The following CCDC73 variants were observed in gnomAD, a reference collection of about 807,000 sequenced individuals.
CCDC73 encodes the protein coiled-coil domain-containing protein 73.
A neutral mutation model predicts 116.5 loss-of-function variants in CCDC73; 95 were observed. The ratio of observed to expected loss-of-function variants is 0.82; its 90% CI spans 0.69 to 0.97. The LOEUF is 0.97. Ranked by LOEUF, CCDC73 falls within the 50% of genes least tolerant of loss-of-function variation. The probability of loss-of-function intolerance (pLI) is 0.00; values close to 1 mark genes in which losing one functional copy is unlikely to be tolerated. For missense variants in CCDC73, 1,066 were observed against 1,206.8 expected, an observed-to-expected ratio of 0.88 and a Z score of 1.73; for synonymous variants, 398 against 401.3, an observed-to-expected ratio of 0.99 and a Z score of 0.10.
intron 1 of CCDC73, among the ~76,000 whole-genome samples, chr11:32,769,613 T>C (rs1850474173): frequency 6.6e-6 from 1 of 152,154 alleles, no homozygotes; most frequent in African/African-American, 2.4e-5. Flanking sequence ...TCTTTTGATG[T>C]AGGAAGACAC....
At chr11:32,734,894 T>C (rs543130820) in intron 2 of CCDC73, among the ~76,000 whole-genome samples, 4 of 152,176 alleles carry the variant, frequency 2.6e-5, no homozygotes, top group Admixed American at 2.0e-4. Context: ...TAATCCAAGA[T>C]ATAAACAGAA....
At position 32,614,109 on chromosome 11, in the gene CCDC73, C is replaced by A. The variant is rs763666079; in HGVS notation, c.2209G>T (p.Val737Leu). The A allele has an allele frequency of 1.6e-5, 26 of 1,613,572 alleles. No individual in the cohort carries two copies. Among genetic ancestry groups the A allele is most frequent in the Non-Finnish European group, 2.2e-5 (26 of 1,179,866 alleles). The part of the protein sequence containing the change: ...DKNVHSMSML[V>L]KPNSSPGGKT... The stretch of plus-strand genomic sequence containing the variant: ...CCCCCAGGGCTTGAGTTAGGTTTCA[C>A]CAACATAGACATACTATGGACATTT... The change falls in exon 16 of 18, where the codon GTG becomes TTG. Residue 737 changes from valine (V) to leucine (L), a missense_variant. Val to Leu is a conservative substitution (Grantham distance 32, BLOSUM62 1). Transcript: ENST00000335185.
At chr11:32,772,122 T>C (rs1243569262) in intron 1 of CCDC73, among the ~76,000 whole-genome samples, 2 of 152,196 alleles carry the variant, frequency 1.3e-5, no homozygotes, top group African/African-American at 2.4e-5. Flanking sequence ...AAATAATAAA[T>C]CACTGTTATT....
chr11:32,796,827 T>C (rs1417180046), upstream of CCDC73, among the ~76,000 whole-genome samples: 2 of 151,868 alleles, frequency 1.3e-5, no homozygotes, highest in East Asian at 1.9e-4. Context: ...CTGGCCAACA[T>C]AGAGAAACCC....
the CCDC73 span, among the ~76,000 whole-genome samples, chr11:32,823,962 T>G: frequency 6.6e-6 from 1 of 152,194 alleles, no homozygotes; most frequent in Non-Finnish European, 1.5e-5. Context: ...TGGCGCAATC[T>G]TGGCTCATTG....
intron 6 of CCDC73, 98 bp downstream of exon 6, chr11:32,699,153 T>A: frequency 7.8e-7 from 1 of 1,281,894 alleles, no homozygotes; most frequent in Non-Finnish European, 1.0e-6. Context: ...TATAAACTTT[T>A]GTCAGCTTTG....
chr11:32,810,585 C>G, the CCDC73 span, among the ~76,000 whole-genome samples: 1 of 151,668 alleles, frequency 6.6e-6, no homozygotes. Context: ...AGTTTTCACC[C>G]TTTTAGTTTC....
chr11:32,670,318 C>T (rs1293029348), intron 9 of CCDC73, among the ~76,000 whole-genome samples: 1 of 152,028 alleles, frequency 6.6e-6, no homozygotes, highest in African/African-American at 2.4e-5. Context: ...GTCAGGAGAT[C>T]GAGACCATCC....
At chr11:32,632,518 GCC>G (rs942133744) in intron 14 of CCDC73, among the ~76,000 whole-genome samples, 54 of 152,110 alleles carry the variant, frequency 3.6e-4, no homozygotes, top group African/African-American at 1.1e-3. Flanking sequence ...GAGCCACCGT[GCC>G]CGGCCGGTTG....
At chr11:32,691,158 C>T (rs899125535) in intron 6 of CCDC73, among the ~76,000 whole-genome samples, 6 of 151,924 alleles carry the variant, frequency 3.9e-5, no homozygotes, top group Non-Finnish European at 8.8e-5. Context: ...GATTCTCCTG[C>T]CTCAGCCTCC....
Position 32,698,149 on chromosome 11 carries a change from C to T in CCDC73, c.390+1102G>A, listed in dbSNP as rs370567692. Among the ~76,000 whole-genome samples, 470 of 151,492 alleles carry T rather than the reference C, an allele frequency of 3.1e-3. 4 individuals carry two copies. Among genetic ancestry groups the T allele is most frequent in the African/African-American group, 0.011 (444 of 41,286 alleles). ...ACGCCATTCTCCTGCCTCAGCCTCC[C>T]GAGTAGCTGGGACTACAGGCGCCCG... On this transcript the variant is annotated intron_variant, in intron 6 of 17. Transcript: ENST00000335185.
chr11:32,746,267 G>T (rs965446356), intron 2 of CCDC73, among the ~76,000 whole-genome samples: 7 of 152,172 alleles, frequency 4.6e-5, no homozygotes, highest in African/African-American at 9.7e-5. Context: ...ACTCTCTTCT[G>T]GCTTGTAGAG....
rs183128573 is a variant in CCDC73, at chr11:32,748,024, G to C, written c.135+12085C>G. Among the ~76,000 whole-genome samples, 4 of 152,348 alleles carry C rather than the reference G, an allele frequency of 2.6e-5. No homozygotes were observed. In the East Asian group the frequency reaches 7.7e-4, roughly 29 times the overall value. On this transcript the variant is annotated intron_variant, in intron 2 of 17. Coordinates refer to ENST00000335185, the MANE Select transcript of CCDC73 (RefSeq NM_001008391.4). ...GAAATGCAGAAATCACCCATCTTCT[G>C]CATCAGTCTCCCTGGGAGCTGTAGA...
At chr11:32,607,625 C>T (rs1002839887) in intron 17 of CCDC73, among the ~76,000 whole-genome samples, 2 of 147,648 alleles carry the variant, frequency 1.4e-5, no homozygotes, top group Non-Finnish European at 3.0e-5. Context: ...CTATGACTTA[C>T]CCAATTGGGC....
the CCDC73 span, among the ~76,000 whole-genome samples, chr11:32,808,586 C>T: frequency 6.6e-6 from 1 of 151,578 alleles, no homozygotes; most frequent in Admixed American, 6.6e-5. Context: ...TTGCAGTGAG[C>T]TGAGATTGTG....
rs570951363 is a variant in CCDC73, at chr11:32,616,147, A to C, written c.1186-18T>G. On this transcript the variant is annotated intron_variant, in intron 14 of 17. Coordinates refer to ENST00000335185, the MANE Select transcript of CCDC73 (RefSeq NM_001008391.4). ...GGAACATTCTAGTGTAAAATGGAAG[A>C]GATTCTTTTAAAAACATTGCCTACA... 4 of 1,548,656 alleles carry C rather than the reference A, an allele frequency of 2.6e-6. No individual in the cohort carries two copies. The highest frequency in any genetic ancestry group is 4.6e-5 in the East Asian group (2 of 43,090).
At chr11:32,785,372 G>T (rs1379975573) in intron 1 of CCDC73, among the ~76,000 whole-genome samples, 1 of 152,066 alleles carries the variant, frequency 6.6e-6, no homozygotes, top group African/African-American at 2.4e-5. Flanking sequence ...AGCTTGACAA[G>T]GTGAGAAATG....
intron 2 of CCDC73, among the ~76,000 whole-genome samples, chr11:32,742,836 G>C (rs1015551822): frequency 2.0e-5 from 3 of 152,180 alleles, no homozygotes; most frequent in Admixed American, 1.3e-4. Flanking sequence ...TTTTGTATAA[G>C]GTGTAAGGAA....
chr11:32,649,473 A>G (rs1421778308), intron 12 of CCDC73, among the ~76,000 whole-genome samples: 3 of 152,206 alleles, frequency 2.0e-5, no homozygotes, highest in Non-Finnish European at 2.9e-5. Context: ...AAAGTAAGAC[A>G]GATGACAGCA....
Sources: allele counts gnomAD v4.1 joint callset (sites outside exome capture counted in the v4.1 genomes callset), GRCh38; gene constraint gnomAD v4.1.1; transcripts MANE v1.5; gene names NCBI Gene and HGNC (gene_info 2026-07-23, HGNC 2026-07-21).